The following OGG1 variants were observed in gnomAD, a reference collection of about 807,000 sequenced individuals.
OGG1 encodes the protein N-glycosylase/DNA lyase.
OGG1 carries 35 observed loss-of-function variants against 42.3 expected under a neutral mutation model. The ratio of observed to expected loss-of-function variants is 0.83; its 90% CI spans 0.63 to 1.10. The LOEUF is 1.10. Ranked by LOEUF, OGG1 falls within the 50% of genes least tolerant of loss-of-function variation. The pLI is 0.00. For missense variants in OGG1, 484 were observed against 446.7 expected (o/e 1.08, Z -0.75); for synonymous variants, 189 against 179.0 (o/e 1.06, Z -0.44).
intron 2 of OGG1, among the ~76,000 whole-genome samples, chr3:9,773,900 A>C (rs1439879371): frequency 6.7e-6 from 1 of 149,028 alleles, no homozygotes; most frequent in Non-Finnish European, 1.5e-5. Flanking sequence ...TCGGGTCTCT[A>C]CTCCCTCTGT....
downstream of OGG1, chr3:9,757,640 C>T (rs775393584): frequency 6.2e-7 from 1 of 1,614,134 alleles, no homozygotes; most frequent in East Asian, 2.2e-5. This position sits in a 1 kb window ranked among gnomAD's most constrained non-coding sequence, Gnocchi z 4.5. Context: ...GAAGACAGAA[C>T]AGAGGTGGCC....
chr3:9,765,886 C>G (rs765645330), exon 8 of OGG1: 1 of 1,614,086 alleles, frequency 6.2e-7, no homozygotes, highest in Admixed American at 1.7e-5. Flanking sequence ...TCCGAGAAGG[C>G]CCCCCTATCG....
chr3:9,757,982 GC>G, downstream of OGG1: 1 of 1,426,106 alleles, frequency 7.0e-7, no homozygotes, highest in Non-Finnish European at 9.2e-7. This position sits in a 1 kb window ranked among gnomAD's most constrained non-coding sequence, Gnocchi z 4.5. Flanking sequence ...TTCCCCTAAA[GC>G]CCCCCAAAAA....
At chr3:9,772,071 G>A (rs1326037544) in intron 2 of OGG1, among the ~76,000 whole-genome samples, 2 of 152,110 alleles carry the variant, frequency 1.3e-5, no homozygotes, top group Non-Finnish European at 2.9e-5. Flanking sequence ...ACCTGCCTCA[G>A]CCTCCCAAAG....
At chr3:9,750,605 G>A (rs1165266925) in intron 1 of OGG1, 182 bp downstream of exon 1, 1 of 844,156 alleles carries the variant, frequency 1.2e-6, no homozygotes, top group East Asian at 2.7e-5. Context: ...TAATTGTAAG[G>A]ATCCAGCGGT....
intron 3 of OGG1, among the ~76,000 whole-genome samples, chr3:9,785,896 C>T (rs2078596025): frequency 1.3e-5 from 2 of 151,636 alleles, no homozygotes; most frequent in South Asian, 4.1e-4. Context: ...CATAGCTAGG[C>T]ATGGGCCAAA....
chr3:9,789,852 C>T, downstream of OGG1: 2 of 1,614,264 alleles, frequency 1.2e-6, no homozygotes, highest in Non-Finnish European at 8.5e-7. Flanking sequence ...GCCTTCCCTT[C>T]CAGTTTCTGC....
intron 3 of OGG1, chr3:9,784,358 G>A (rs957973611): frequency 3.7e-6 from 4 of 1,076,450 alleles, no homozygotes; most frequent in South Asian, 4.2e-5. Flanking sequence ...ACAAAGGGAG[G>A]GACAGACACA....
chr3:9,768,211 C>T (rs1056997109), downstream of OGG1, among the ~76,000 whole-genome samples: 2 of 152,222 alleles, frequency 1.3e-5, no homozygotes, highest in Non-Finnish European at 2.9e-5. Context: ...CCTTTCCCTC[C>T]TCCTTCCCCC....
At chr3:9,760,500 G>A, downstream of OGG1, 4 of 661,140 alleles carry the variant, frequency 6.1e-6, no homozygotes, top group South Asian at 7.4e-5. Context: ...TACCCAAGCA[G>A]AAGGAAGAAG....
intron 3 of OGG1, among the ~76,000 whole-genome samples, chr3:9,784,574 T>C (rs893655402): frequency 7.2e-5 from 11 of 151,918 alleles, no homozygotes; most frequent in Admixed American, 7.2e-4. Flanking sequence ...TTTAAATATA[T>C]TGTAAGTAAG....
At chr3:9,772,185 GTTTTC>G (rs1362409753) in intron 2 of OGG1, among the ~76,000 whole-genome samples, 1 of 152,084 alleles carries the variant, frequency 6.6e-6, no homozygotes, top group Non-Finnish European at 1.5e-5. Context: ...GAGGCCTCGT[GTTTTC>G]TTTTCTTTAA....
downstream of OGG1, chr3:9,789,995 A>G: frequency 6.4e-7 from 1 of 1,554,114 alleles, no homozygotes. Flanking sequence ...ACTGAGGGGG[A>G]GAAGGGAAAA....
intron 2 of OGG1, chr3:9,780,189 G>T: frequency 1.6e-6 from 1 of 638,310 alleles, no homozygotes; most frequent in South Asian, 2.3e-5. Context: ...CTGTGTCCTG[G>T]TTGTACAGAG....
downstream of OGG1, chr3:9,767,600 A>G: frequency 6.3e-7 from 1 of 1,596,066 alleles, no homozygotes; most frequent in Non-Finnish European, 8.6e-7. Flanking sequence ...TTAATTGACC[A>G]GAGGAAGCCC....
chr3:9,762,533 C>T (rs1374944886), intron 7 of OGG1, among the ~76,000 whole-genome samples: 1 of 152,068 alleles, frequency 6.6e-6, no homozygotes, highest in Non-Finnish European at 1.5e-5. Flanking sequence ...TCTGCCACCA[C>T]GCCGGGCTAA....
chr3:9,756,501 G>A lies in OGG1; in HGVS notation c.778G>A (p.Asp260Asn), dbSNP rs2077568100. The change falls in exon 5 of 7, where the codon GAC becomes AAC. Residue 260 changes from aspartate (D) to asparagine (N), a missense_variant. Coordinates refer to ENST00000344629, the MANE Select transcript of OGG1 (RefSeq NM_002542.6). ...TGACTGCATCTGCCTGATGGCCCTAGACAAGCCCCAGGCTGTGCCCGTGGA... is the reference window on the plus strand; with the variant it reads ...TGACTGCATCTGCCTGATGGCCCTAAACAAGCCCCAGGCTGTGCCCGTGGA... Reference protein sequence around the residue: ...VADCICLMALDKPQAVPVDVH... With the variant: ...VADCICLMALNKPQAVPVDVH... 6.2e-6 allele frequency: 10 copies of A among 1,614,168 alleles called. No individual in the cohort carries two copies. The highest frequency in any genetic ancestry group is 8.5e-6 in the Non-Finnish European group (10 of 1,180,038).
At chr3:9,788,981 G>T (rs563431711), downstream of OGG1, among the ~76,000 whole-genome samples, 1 of 151,988 alleles carries the variant, frequency 6.6e-6, no homozygotes, top group African/African-American at 2.4e-5. Context: ...GACTACAGGC[G>T]CACACCGCCA....
At chr3:9,777,019 C>T (rs1280138627) in intron 2 of OGG1, among the ~76,000 whole-genome samples, 2 of 152,150 alleles carry the variant, frequency 1.3e-5, no homozygotes, top group East Asian at 3.9e-4. Flanking sequence ...AAGCTCCTGC[C>T]ATCACTTTCT....
Sources: allele counts gnomAD v4.1 joint callset (sites outside exome capture counted in the v4.1 genomes callset), GRCh38; gene constraint gnomAD v4.1.1; non-coding constraint Gnocchi (gnomAD v3.1); transcripts MANE v1.5; gene names NCBI Gene and HGNC (gene_info 2026-07-23, HGNC 2026-07-21).